Variants in SGCZ observed in about 807,000 individuals in gnomAD.
SGCZ encodes the protein zeta-sarcoglycan.
In SGCZ, 40 loss-of-function variants were observed where a neutral mutation model predicts 41.3. The ratio of observed to expected loss-of-function variants is 0.97; its 90% confidence interval spans 0.75 to 1.26. The LOEUF (loss-of-function observed/expected upper bound fraction) is 1.26. Ranked by LOEUF, SGCZ falls within the 50% of genes most tolerant of loss-of-function variation. SGCZ has a pLI of 0.00. For synonymous variants in SGCZ, 206 were observed against 137.5 expected (o/e 1.50, Z -3.49); for missense variants, 552 against 369.8 (o/e 1.49, Z -4.04).
intron 1 of SGCZ, among the ~76,000 whole-genome samples, chr8:14,645,876 AAATTG>A (rs1244290335): frequency 6.6e-6 from 1 of 151,864 alleles, no homozygotes; most frequent in Non-Finnish European, 1.5e-5. Flanking sequence ...CAATTAAACT[AAATTG>A]AAGTGTTCCA....
At chr8:14,270,631 C>G (rs1800026096) in intron 3 of SGCZ, among the ~76,000 whole-genome samples, 2 of 152,112 alleles carry the variant, frequency 1.3e-5, no homozygotes, top group Admixed American at 6.5e-5. Context: ...CTATACCTTT[C>G]TTCCTTAAAA....
At chr8:15,097,895 T>G (rs74744290) in intron 1 of SGCZ, among the ~76,000 whole-genome samples, 7 of 103,670 alleles carry the variant, frequency 6.8e-5, no homozygotes, top group Non-Finnish European at 8.4e-5. Context: ...TGTGTATATA[T>G]ATATATATAT....
chr8:14,796,862 A>G (rs1801149900), intron 1 of SGCZ, among the ~76,000 whole-genome samples: 1 of 152,144 alleles, frequency 6.6e-6, no homozygotes, highest in Admixed American at 6.5e-5. Context: ...GTAAGTACCC[A>G]CAAGATCTGA....
At chr8:15,142,978 A>T (rs174852) in intron 1 of SGCZ, among the ~76,000 whole-genome samples, 1 of 152,176 alleles carries the variant, frequency 6.6e-6, no homozygotes, top group Admixed American at 6.5e-5. Context: ...ATATTATGCT[A>T]AGGGTTAACC....
At chr8:14,691,022 A>T (rs1808782863) in intron 1 of SGCZ, among the ~76,000 whole-genome samples, 1 of 152,210 alleles carries the variant, frequency 6.6e-6, no homozygotes. Flanking sequence ...TGAAAGAAAT[A>T]CATGAAGGAA....
At chr8:14,590,356 TGGAA>T (rs1805201847) in intron 1 of SGCZ, among the ~76,000 whole-genome samples, 1 of 151,934 alleles carries the variant, frequency 6.6e-6, no homozygotes. Context: ...TGGAAATATC[TGGAA>T]GGATTTTTCT....
intron 5 of SGCZ, 118 bp from the exon 6 acceptor site, chr8:14,108,353 G>A: frequency 2.4e-6 from 2 of 824,132 alleles, no homozygotes. Context: ...AGGTACATAT[G>A]ATGTATTAGT....
At chr8:14,543,969 G>C (rs191142834) in intron 2 of SGCZ, among the ~76,000 whole-genome samples, 1 of 152,058 alleles carries the variant, frequency 6.6e-6, no homozygotes, top group African/African-American at 2.4e-5. Flanking sequence ...TGTGAGAATG[G>C]AGTGGTTACC....
intron 1 of SGCZ, among the ~76,000 whole-genome samples, chr8:14,963,821 G>T (rs975745418): frequency 1.2e-4 from 19 of 152,150 alleles, no homozygotes; most frequent in African/African-American, 4.6e-4. Flanking sequence ...CTCTGTAGGA[G>T]AGATCACTCA....
At chr8:14,929,505 G>A (rs1164162947) in intron 1 of SGCZ, among the ~76,000 whole-genome samples, 1 of 150,822 alleles carries the variant, frequency 6.6e-6, no homozygotes, top group East Asian at 1.9e-4. Flanking sequence ...TGAACCTGAG[G>A]CTGACGCAGC....
chr8:15,027,187 C>A (rs1803488642), intron 1 of SGCZ, among the ~76,000 whole-genome samples: 1 of 151,996 alleles, frequency 6.6e-6, no homozygotes, highest in Non-Finnish European at 1.5e-5. Context: ...AGTTTTTGAC[C>A]CACCTCTTAC....
At chr8:14,754,104 A>G (rs1042853701) in intron 1 of SGCZ, among the ~76,000 whole-genome samples, 4 of 152,238 alleles carry the variant, frequency 2.6e-5, no homozygotes, top group Admixed American at 2.6e-4. Flanking sequence ...GCTAAAGTCC[A>G]GACAAATTTG....
chr8:14,934,493 C>A (rs1301741842), intron 1 of SGCZ, among the ~76,000 whole-genome samples: 1 of 151,332 alleles, frequency 6.6e-6, no homozygotes, highest in Non-Finnish European at 1.5e-5. Context: ...AGGAGATTAG[C>A]CACAGATGAA....
chr8:14,838,263 A>G (rs1185696858), intron 1 of SGCZ, among the ~76,000 whole-genome samples: 1 of 152,150 alleles, frequency 6.6e-6, no homozygotes, highest in Non-Finnish European at 1.5e-5. Context: ...GCACAATAGG[A>G]TGACTATAGT....
In SGCZ at chr8:14,176,722, G is replaced by C. The variant is rs377132078; in HGVS notation, c.425-12020C>G. ...CAAGTGGGTGGGGGGCCAAGAACAC[G>C]ATACCCAGCCTAGGAGCAGGTGTCA... is the stretch of plus-strand genomic sequence containing the variant. On this transcript the variant is annotated intron_variant, in intron 4 of 7. Transcript: ENST00000382080. Among the ~76,000 whole-genome samples, 8 of 152,162 alleles carry C rather than the reference G, an allele frequency of 5.3e-5. No homozygotes were observed. The East Asian group carries it at 1.4e-3, about 26-fold the overall frequency.
chr8:15,146,833 T>C (rs979707114), intron 1 of SGCZ, among the ~76,000 whole-genome samples: 1 of 152,202 alleles, frequency 6.6e-6, no homozygotes, highest in African/African-American at 2.4e-5. Context: ...ATTAGCATCC[T>C]AATAAAGATC....
intron 4 of SGCZ, among the ~76,000 whole-genome samples, chr8:14,214,976 G>C (rs1406274549): frequency 6.6e-6 from 1 of 152,074 alleles, no homozygotes; most frequent in African/African-American, 2.4e-5. Flanking sequence ...AAGAAAATTA[G>C]CAAGACAGAG....
intron 1 of SGCZ, among the ~76,000 whole-genome samples, chr8:14,849,806 G>A (rs902850014): frequency 6.6e-6 from 1 of 152,090 alleles, no homozygotes; most frequent in African/African-American, 2.4e-5. Context: ...CAATAAAGTT[G>A]TTATAAGAAA....
At chr8:14,253,005 G>C (rs1799335507) in intron 3 of SGCZ, among the ~76,000 whole-genome samples, 1 of 152,080 alleles carries the variant, frequency 6.6e-6, no homozygotes, top group African/African-American at 2.4e-5. Context: ...TGAATTTACT[G>C]GATGCGACGT....
Sources: gnomAD v4.1 joint callset for allele counts (sites outside exome capture counted in the v4.1 genomes callset) on GRCh38, gnomAD v4.1.1 for gene constraint, MANE v1.5 for transcripts, NCBI Gene and HGNC (gene_info 2026-07-23, HGNC 2026-07-21) for gene names.